Variants in SDK1 observed in about 807,000 individuals in gnomAD.
SDK1 encodes protein sidekick-1.
A neutral mutation model predicts 245.5 loss-of-function variants in SDK1; 157 were observed. That is an observed-to-expected ratio of 0.64 (90% CI 0.56 to 0.73). SDK1 has a LOEUF of 0.73. SDK1 is among the 30% of genes least tolerant of loss of function. SDK1 has a pLI of 0.00. For synonymous variants in SDK1, 1,647 were observed against 1,278.5 expected, an observed-to-expected ratio of 1.29 and a Z score of -6.15; for missense variants, 3,583 against 3,002.3, an observed-to-expected ratio of 1.19 and a Z score of -4.52.
In SDK1 at chr7:4,082,617, A is replaced by T. The variant is rs1309228875; in HGVS notation, c.3324+3033A>T. On this transcript the variant is annotated intron_variant, in intron 22 of 44. Coordinates refer to ENST00000404826, the MANE Select transcript of SDK1 (RefSeq NM_152744.4). ...TCTCATGATACCATTGTCACACCTG[A>T]TAAAATTATTATTATTTTTTTGAGA... Among the ~76,000 whole-genome samples the T allele has an allele frequency of 3.3e-5, 5 of 152,074 alleles. No homozygotes were observed. The South Asian group carries it at 1.0e-3, about 32-fold the overall frequency.
chr7:3,338,328 C>A, intron 1 of SDK1: 1 of 502,828 alleles, frequency 2.0e-6, no homozygotes, highest in Non-Finnish European at 3.7e-6. Context: ...CGATGTTACT[C>A]AGCATGCTGT....
chr7:3,677,940 A>G (rs770577343), intron 4 of SDK1, among the ~76,000 whole-genome samples: 4 of 152,186 alleles, frequency 2.6e-5, no homozygotes, highest in South Asian at 2.1e-4. Flanking sequence ...CTACAACTCA[A>G]CAACAACAGA....
In SDK1 at chr7:4,162,357, GT is replaced by G. The variant is rs1168059992; in HGVS notation, c.4800+503del. On this transcript the variant is annotated intron_variant, in intron 32 of 44. Coordinates refer to ENST00000404826, the MANE Select transcript of SDK1 (RefSeq NM_152744.4). ...GGGGTGGGTGGTGGTGGTGGTGGTGGTTGTTGTTGTTGTTATTATTATTATT... is the reference window on the plus strand; with the variant it reads ...GGGGTGGGTGGTGGTGGTGGTGGTGGTGTTGTTGTTGTTATTATTATTATT... Among the ~76,000 whole-genome samples the G allele has an allele frequency of 9.8e-3, 741 of 75,900 alleles. 5 individuals are homozygous for G. The highest frequency in any genetic ancestry group is 0.024 in the African/African-American group (674 of 28,272). The allele number at this position is 75,900 out of a possible 152,430, so 49.8% of individuals were successfully genotyped here.
intron 1 of SDK1, among the ~76,000 whole-genome samples, chr7:3,552,178 C>T (rs1779439722): frequency 1.3e-5 from 2 of 152,044 alleles, no homozygotes; most frequent in South Asian, 2.1e-4. Flanking sequence ...GCTGGGACTA[C>T]AGGCGCCCAC....
At position 3,571,755 on chromosome 7, in the gene SDK1, G is replaced by C. The variant is rs529439712; in HGVS notation, c.299-47325G>C. 2.0e-5 allele frequency among the ~76,000 whole-genome samples: 3 copies of C among 152,208 alleles called. No homozygotes were observed. The South Asian group carries it at 6.2e-4, about 32-fold the overall frequency. ...ATGAATATAACATTCTTGGTAATCA[G>C]AGAATGGGATTAAATTTTTAACTTG... On this transcript the variant is annotated intron_variant, in intron 1 of 44. Coordinates refer to ENST00000404826, the MANE Select transcript of SDK1 (RefSeq NM_152744.4).
At chr7:4,204,475 G>A (rs1032385389) in intron 35 of SDK1, among the ~76,000 whole-genome samples, 1 of 152,024 alleles carries the variant, frequency 6.6e-6, no homozygotes, top group African/African-American at 2.4e-5. Context: ...GTGTCAGGCT[G>A]AGTGGGTGTT....
rs7808990 is a variant in SDK1 at position 4,075,652 on chromosome 7, T to C, written c.3011-1346T>C. ...ATTCAGGAGCTAGTTGGGTCTTATT[T>C]CTCCTTTTTTTTTTTTTTTTAAGAC... On this transcript the variant is annotated intron_variant, in intron 20 of 44. Transcript: ENST00000404826. 6.4e-3 allele frequency among the ~76,000 whole-genome samples: 961 copies of C among 150,448 alleles called. 11 individuals are homozygous for C. The highest frequency in any genetic ancestry group is 0.023 in the African/African-American group (928 of 40,484).
intron 35 of SDK1, among the ~76,000 whole-genome samples, chr7:4,185,960 G>A (rs958008773): frequency 6.6e-6 from 1 of 152,096 alleles, no homozygotes; most frequent in Non-Finnish European, 1.5e-5. Context: ...AGCTCTAAGG[G>A]GGGATGGAGC....
intron 33 of SDK1, among the ~76,000 whole-genome samples, chr7:4,174,693 C>G (rs764265648): frequency 1.3e-5 from 2 of 152,118 alleles, no homozygotes; most frequent in Non-Finnish European, 2.9e-5. Flanking sequence ...CCAGTAGGAA[C>G]CTGTTGCAAA....
intron 1 of SDK1, among the ~76,000 whole-genome samples, chr7:3,421,249 T>G (rs1411967692): frequency 1.3e-5 from 2 of 151,978 alleles, no homozygotes; most frequent in Non-Finnish European, 2.9e-5. Flanking sequence ...TTTTTGTAAT[T>G]TTAATAGAGA....
chr7:4,145,106 A>G (rs1050925505), intron 28 of SDK1, among the ~76,000 whole-genome samples: 1 of 152,166 alleles, frequency 6.6e-6, no homozygotes, highest in Non-Finnish European at 1.5e-5. Flanking sequence ...GCCCTCCCTC[A>G]ACTGGGCAGC....
chr7:3,915,182 G>A (rs1011377775), intron 5 of SDK1, among the ~76,000 whole-genome samples: 7 of 152,106 alleles, frequency 4.6e-5, no homozygotes, highest in African/African-American at 1.7e-4. Flanking sequence ...GGGGTAGGAT[G>A]AGCCAGAGAA....
intron 4 of SDK1, among the ~76,000 whole-genome samples, chr7:3,774,278 G>C (rs1466118426): frequency 6.6e-6 from 1 of 151,964 alleles, no homozygotes; most frequent in Non-Finnish European, 1.5e-5. Flanking sequence ...TTAGGTGGTT[G>C]GTAGAGGCCT....
At chr7:3,335,621 A>G (rs773697861) in intron 1 of SDK1, among the ~76,000 whole-genome samples, 22 of 152,194 alleles carry the variant, frequency 1.4e-4, no homozygotes, top group Non-Finnish European at 3.1e-4. Context: ...TTGTGGAGAA[A>G]GTAGTCTGTA....
intron 22 of SDK1, among the ~76,000 whole-genome samples, chr7:4,088,920 T>C (rs1453400758): frequency 6.6e-6 from 1 of 152,146 alleles, no homozygotes; most frequent in African/African-American, 2.4e-5. Context: ...ATGAGGTCAC[T>C]CAGGCGGAGG....
At chr7:3,744,597 G>C (rs1011701767) in intron 4 of SDK1, among the ~76,000 whole-genome samples, 1 of 152,112 alleles carries the variant, frequency 6.6e-6, no homozygotes, top group Non-Finnish European at 1.5e-5. Context: ...AGATCACAAA[G>C]TCAGGAGATC....
At chr7:3,484,753 C>A (rs776769617) in intron 1 of SDK1, among the ~76,000 whole-genome samples, 1 of 152,166 alleles carries the variant, frequency 6.6e-6, no homozygotes, top group Non-Finnish European at 1.5e-5. Flanking sequence ...GGAGTGAGAA[C>A]ATGGGATATT....
intron 19 of SDK1, among the ~76,000 whole-genome samples, chr7:4,062,150 C>T (rs1010814789): frequency 6.6e-6 from 1 of 151,828 alleles, no homozygotes; most frequent in Non-Finnish European, 1.5e-5. Flanking sequence ...ATAATAAAAA[C>T]AATACAAATG....
chr7:3,992,488 G>A (rs1272970629), intron 14 of SDK1, among the ~76,000 whole-genome samples: 10 of 152,194 alleles, frequency 6.6e-5, no homozygotes, highest in Admixed American at 6.5e-4. Flanking sequence ...GGTGGCGGAT[G>A]AGGGAAGCCT....
Sources: allele counts gnomAD v4.1 joint callset (sites outside exome capture counted in the v4.1 genomes callset), GRCh38; gene constraint gnomAD v4.1.1; transcripts MANE v1.5; gene names NCBI Gene and HGNC (gene_info 2026-07-23, HGNC 2026-07-21).